PTGER3: variants seen among roughly 807,000 people sequenced by gnomAD.
PTGER3 encodes the protein prostaglandin E2 receptor EP3 subtype.
In PTGER3, 22 loss-of-function variants were observed where a neutral mutation model predicts 34.7. That is an observed-to-expected ratio of 0.63 (90% CI 0.45 to 0.91). The LOEUF (loss-of-function observed/expected upper bound fraction) is 0.91, where lower values mean the gene tolerates loss of function less well. Ranked by LOEUF, PTGER3 falls within the 40% of genes least tolerant of loss-of-function variation. PTGER3 has a pLI of 0.00. For synonymous variants in PTGER3, 241 were observed against 230.1 expected (o/e 1.05, Z -0.43); for missense variants, 468 against 519.4 (o/e 0.90, Z 0.96).
intron 1 of PTGER3, among the ~76,000 whole-genome samples, chr1:71,018,183 T>G (rs1009745749): frequency 2.6e-5 from 4 of 152,122 alleles, no homozygotes; most frequent in African/African-American, 9.7e-5. Flanking sequence ...TCAACCAATG[T>G]TAAGAGGAAT....
At chr1:70,907,738 C>G (rs1469026098) in intron 4 of PTGER3, among the ~76,000 whole-genome samples, 1 of 152,208 alleles carries the variant, frequency 6.6e-6, no homozygotes, top group Non-Finnish European at 1.5e-5. Context: ...CAATGTGTCT[C>G]CCTCAGTTCA....
chr1:71,012,234 A>G (rs1657506065), intron 2 of PTGER3, 71 bp downstream of exon 2: 1 of 1,613,400 alleles, frequency 6.2e-7, no homozygotes, highest in Non-Finnish European at 8.5e-7. Flanking sequence ...TGTCTGTATT[A>G]TTTCATTAGA....
At chr1:70,943,959 C>T (rs934305788) in intron 4 of PTGER3, among the ~76,000 whole-genome samples, 8 of 151,832 alleles carry the variant, frequency 5.3e-5, no homozygotes, top group Non-Finnish European at 1.0e-4. Flanking sequence ...GGTTCCATGA[C>T]ATTTTTATAT....
intron 4 of PTGER3, among the ~76,000 whole-genome samples, chr1:70,929,209 G>A (rs961390655): frequency 1.3e-5 from 2 of 152,060 alleles, no homozygotes; most frequent in East Asian, 3.8e-4. Flanking sequence ...TTTTGATTCC[G>A]CACTTTTCCT....
At chr1:70,966,670 G>T (rs188186919), downstream of PTGER3, among the ~76,000 whole-genome samples, 1 of 151,900 alleles carries the variant, frequency 6.6e-6, no homozygotes, top group Non-Finnish European at 1.5e-5. Context: ...TCAATGTTCA[G>T]CTCCCACTTA....
At chr1:70,967,301 A>G (rs626398), downstream of PTGER3, among the ~76,000 whole-genome samples, 128,010 of 151,944 alleles carry the variant, frequency 0.84, 54,067 homozygotes, top group East Asian at 0.94. Flanking sequence ...GAGACTATTC[A>G]TCACATTTTT....
chr1:70,983,482 TG>T (rs1654596682), intron 2 of PTGER3, among the ~76,000 whole-genome samples: 1 of 152,084 alleles, frequency 6.6e-6, no homozygotes, highest in Non-Finnish European at 1.5e-5. Flanking sequence ...AGCGAATGAA[TG>T]GATAATATTT....
At chr1:71,020,587 C>CA (rs998106961) in intron 1 of PTGER3, among the ~76,000 whole-genome samples, 8 of 148,790 alleles carry the variant, frequency 5.4e-5, no homozygotes, top group African/African-American at 7.4e-5. Flanking sequence ...AATTCCTCTT[C>CA]AAAAAAAAAC....
chr1:70,945,831 T>C (rs1202825781), intron 4 of PTGER3, among the ~76,000 whole-genome samples: 1 of 152,138 alleles, frequency 6.6e-6, no homozygotes, highest in Non-Finnish European at 1.5e-5. Context: ...TCAATAGGGT[T>C]CTTCATACTC....
At position 70,944,026 on chromosome 1, in the gene PTGER3, T is replaced by G. The variant is rs140624028; in HGVS notation, c.*23+9737A>C. On this transcript the variant is annotated intron_variant, in intron 4 of 4. Coordinates refer to the PTGER3 transcript ENST00000370931. ...TTCTGTCATTTGCAATAAAAAAGAG[T>G]ACTTACTTAAATCAATTAGATAGTA... Among the ~76,000 whole-genome samples, 1,091 of 152,216 alleles carry G rather than the reference T, an allele frequency of 7.2e-3. 14 individuals carry two copies. Among genetic ancestry groups the G allele is most frequent in the African/African-American group, 0.025 (1,047 of 41,554 alleles).
chr1:70,879,699 G>A (rs1386011961), intron 4 of PTGER3, among the ~76,000 whole-genome samples: 3 of 152,080 alleles, frequency 2.0e-5, no homozygotes, highest in Non-Finnish European at 4.4e-5. Flanking sequence ...CTGTGAGATG[G>A]ATCTCTTGAA....
chr1:70,870,159 T>C (rs1274434562), intron 4 of PTGER3, among the ~76,000 whole-genome samples: 5 of 152,198 alleles, frequency 3.3e-5, no homozygotes, highest in Admixed American at 2.0e-4. Flanking sequence ...TAACACCATG[T>C]GGAAGCCACC....
chr1:71,011,052 G>A (rs1008364990), intron 2 of PTGER3: 40 of 985,492 alleles, frequency 4.1e-5, no homozygotes, highest in Non-Finnish European at 4.8e-5. Flanking sequence ...GCTTTGTGTA[G>A]GCATAACTAC....
chr1:71,034,160 T>C lies in PTGER3; in HGVS notation c.897+12521A>G, dbSNP rs116824868. Among the ~76,000 whole-genome samples the C allele has an allele frequency of 8.4e-3, 1,202 of 143,676 alleles. 15 individuals carry two copies. Among genetic ancestry groups the C allele is most frequent in the African/African-American group, 0.03 (1,154 of 38,268 alleles). 94.3% of individuals were successfully genotyped at this position (143,676 alleles called of 152,430 possible). On this transcript the variant is annotated intron_variant, in intron 1 of 3. Coordinates refer to ENST00000306666, the MANE Select transcript of PTGER3 (RefSeq NM_198719.2). ...CTTATTTTATTTTGAGTGAGAAGAA[T>C]CTTATTTTAAAACTCATTTATGTGA...
chr1:70,923,215 T>A (rs1300409717), intron 4 of PTGER3, among the ~76,000 whole-genome samples: 1 of 152,172 alleles, frequency 6.6e-6, no homozygotes, highest in South Asian at 2.1e-4. Context: ...CTTGGTTTTT[T>A]TTTTTGGCTC....
intron 4 of PTGER3, among the ~76,000 whole-genome samples, chr1:70,910,938 C>T (rs1647046890): frequency 6.6e-6 from 1 of 151,804 alleles, no homozygotes; most frequent in Admixed American, 6.6e-5. Flanking sequence ...AAAAATTATC[C>T]AGGCATGGTG....
At chr1:71,005,852 A>G in intron 2 of PTGER3, 1 of 956,956 alleles carries the variant, frequency 1.0e-6, no homozygotes, top group Non-Finnish European at 1.2e-6. Context: ...TAGCCATAGT[A>G]GTCATAATGA....
chr1:70,884,674 C>T (rs1646460327), intron 4 of PTGER3, among the ~76,000 whole-genome samples: 1 of 152,134 alleles, frequency 6.6e-6, no homozygotes, highest in Non-Finnish European at 1.5e-5. Flanking sequence ...AACTGTGTTG[C>T]TTTAAATCAC....
chr1:71,041,600 G>C (rs1274940710), intron 1 of PTGER3, among the ~76,000 whole-genome samples: 1 of 152,214 alleles, frequency 6.6e-6, no homozygotes, highest in Non-Finnish European at 1.5e-5. Flanking sequence ...ATGAAAGTTG[G>C]AAGTTTCTAG....
Sources: allele counts gnomAD v4.1 joint callset (sites outside exome capture counted in the v4.1 genomes callset), GRCh38; gene constraint gnomAD v4.1.1; transcripts MANE v1.5; gene names NCBI Gene and HGNC (gene_info 2026-07-23, HGNC 2026-07-21).